NDUFS6: variants seen among roughly 807,000 people sequenced by gnomAD.
NDUFS6 encodes NADH dehydrogenase [ubiquinone] iron-sulfur protein 6, mitochondrial.
Under a neutral mutation model 13.2 loss-of-function variants are expected in NDUFS6, and 14 were observed. That is an observed-to-expected ratio of 1.06 (90% confidence interval 0.70 to 1.66). NDUFS6 has a LOEUF of 1.66. Among genes scored for constraint, NDUFS6 ranks in the 40% most tolerant of loss-of-function variants. The probability of loss-of-function intolerance (pLI) is 0.00; values close to 1 mark genes in which losing one functional copy is unlikely to be tolerated. For missense variants in NDUFS6, 206 were observed against 170.8 expected, an observed-to-expected ratio of 1.21 and a Z score of -1.15; for synonymous variants, 95 against 72.3, an observed-to-expected ratio of 1.31 and a Z score of -1.60.
At chr5:1,805,699 A>T (rs1371616153) in intron 2 of NDUFS6, among the ~76,000 whole-genome samples, 2 of 152,256 alleles carry the variant, frequency 1.3e-5, no homozygotes, top group African/African-American at 2.4e-5. Flanking sequence ...ATTGCTTTAT[A>T]GTCGTACAAG....
At chr5:1,803,435 A>G (rs1353345593) in intron 2 of NDUFS6, among the ~76,000 whole-genome samples, 3 of 152,116 alleles carry the variant, frequency 2.0e-5, no homozygotes, top group African/African-American at 4.8e-5. Flanking sequence ...TACCAGGATC[A>G]TGGTGGTGGA....
At chr5:1,801,680 C>T (rs1345587637) in intron 1 of NDUFS6, 131 bp downstream of exon 1, 20 of 1,361,114 alleles carry the variant, frequency 1.5e-5, no homozygotes, top group Non-Finnish European at 1.7e-5. Flanking sequence ...GTTGTGCTGT[C>T]GCTCACGCGC....
chr5:1,814,833 C>G lies in NDUFS6; in HGVS notation c.309+372C>G. 1 of 628,354 alleles carries G rather than the reference C, an allele frequency of 1.6e-6. No individual in the cohort carries two copies. The highest frequency in any genetic ancestry group is 2.9e-6 in the Non-Finnish European group (1 of 350,212). 38.9% of individuals were successfully genotyped at this position (628,354 alleles called of 1,614,324 possible). A position where few individuals can be genotyped will look rare whatever the true frequency, so the allele number is the denominator to read the frequency against. On this transcript the variant is annotated intron_variant, in intron 3 of 3. Coordinates refer to ENST00000274137, the MANE Select transcript of NDUFS6 (RefSeq NM_004553.6). The surrounding 1 kb of genome is among the most constrained non-coding windows in gnomAD (Gnocchi z 4.9). ...TCCCACAGCGCTGGAGGCTGCAGCC[C>G]AAGACCACCGTGCCGCTCTGTGGGT... is the stretch of plus-strand genomic sequence containing the variant.
chr5:1,806,227 G>A (rs1734119603), intron 2 of NDUFS6, among the ~76,000 whole-genome samples: 1 of 152,270 alleles, frequency 6.6e-6, no homozygotes, highest in African/African-American at 2.4e-5. Flanking sequence ...CTCCACCTGT[G>A]TGTGTCAGGA....
chr5:1,812,851 G>C (rs13170104), intron 2 of NDUFS6, among the ~76,000 whole-genome samples: 4 of 151,644 alleles, frequency 2.6e-5, no homozygotes, highest in African/African-American at 9.7e-5. Flanking sequence ...TCAGGAGTTC[G>C]AGACCAGCCT....
At chr5:1,806,593 G>A (rs940418236) in intron 2 of NDUFS6, among the ~76,000 whole-genome samples, 1 of 151,810 alleles carries the variant, frequency 6.6e-6, no homozygotes, top group Non-Finnish European at 1.5e-5. Flanking sequence ...TGTAGATTTC[G>A]TTAATGGAAA....
chr5:1,815,089 C>G (rs1734287660), intron 3 of NDUFS6, among the ~76,000 whole-genome samples: 2 of 152,216 alleles, frequency 1.3e-5, no homozygotes, highest in Non-Finnish European at 2.9e-5. Flanking sequence ...GGTTTATTTT[C>G]TAACAATCCC....
chr5:1,816,020 T>C lies in NDUFS6; in HGVS notation c.*104T>C. ...TCTGTGCGAAGGGTATTCCTGGTGC[T>C]GAATAAAGGGTGTTGCTGTCAAGGC... On this transcript the variant is annotated 3_prime_UTR_variant, in exon 4 of 4. Coordinates refer to ENST00000274137, the MANE Select transcript of NDUFS6 (RefSeq NM_004553.6). 2 of 1,251,292 alleles carry C rather than the reference T, an allele frequency of 1.6e-6. No individual in the cohort carries two copies. The highest frequency in any genetic ancestry group is 2.3e-5 in the East Asian group (1 of 43,216). 77.5% of individuals were successfully genotyped at this position (1,251,292 alleles called of 1,614,324 possible).
chr5:1,802,298 A>G (rs369387756), intron 1 of NDUFS6, 23 bp from the exon 2 acceptor site: 105 of 1,608,552 alleles, frequency 6.5e-5, no homozygotes, highest in Non-Finnish European at 8.8e-5. Flanking sequence ...AAAGTCACAC[A>G]TGGTCTTTTT....
intron 2 of NDUFS6, among the ~76,000 whole-genome samples, chr5:1,802,741 AGT>A (rs748371510): frequency 3.3e-5 from 5 of 152,200 alleles, no homozygotes; most frequent in Admixed American, 6.5e-5. Flanking sequence ...CAAATAAATT[AGT>A]GTGTGTTTTT....
At chr5:1,809,926 G>A (rs1561106030) in intron 2 of NDUFS6, among the ~76,000 whole-genome samples, 1 of 152,252 alleles carries the variant, frequency 6.6e-6, no homozygotes, top group Non-Finnish European at 1.5e-5. Flanking sequence ...CTTTAATGTG[G>A]CTTCATTTTC....
chr5:1,809,895 G>A (rs1370115072), intron 2 of NDUFS6, among the ~76,000 whole-genome samples: 3 of 152,232 alleles, frequency 2.0e-5, no homozygotes, highest in Non-Finnish European at 2.9e-5. Flanking sequence ...CCTGGGCGGC[G>A]CCACACGGCT....
rs577360067 is a variant in NDUFS6 at position 1,814,315 on chromosome 5, C to T, written c.187-24C>T. On this transcript the variant is annotated intron_variant, in intron 2 of 3. Coordinates refer to ENST00000274137, the MANE Select transcript of NDUFS6 (RefSeq NM_004553.6). The surrounding 1 kb of genome is among the most constrained non-coding windows in gnomAD (Gnocchi z 4.9). ...GTTAGCAAGTTTGTGTATTTGTTTA[C>T]GTAAGTCTTTCTTCTTGTTCCAGGT... is the stretch of plus-strand genomic sequence containing the variant. 2.3e-5 allele frequency: 37 copies of T among 1,614,100 alleles called. No homozygotes were observed. The Admixed American group carries it at 2.3e-4, about 10-fold the overall frequency.
In NDUFS6 at chr5:1,814,610, A is replaced by G. The variant is rs1457177968; in HGVS notation, c.309+149A>G. 2 of 1,176,452 alleles carry G rather than the reference A, an allele frequency of 1.7e-6. No homozygotes were observed. Among genetic ancestry groups the G allele is most frequent in the Admixed American group, 2.0e-5 (1 of 50,620 alleles). The allele number at this position is 1,176,452 out of a possible 1,614,324, so 72.9% of individuals were successfully genotyped here. ...TTCACACTGCTGGCACATTCACCCT[A>G]CAGCGCCACACTACAGGGCCTACAT... On this transcript the variant is annotated intron_variant, in intron 3 of 3. Transcript: ENST00000274137. The surrounding 1 kb of genome is among the most constrained non-coding windows in gnomAD (Gnocchi z 4.9).
At chr5:1,815,827 A>G (rs1734299402) in intron 3 of NDUFS6, 24 bp from the exon 4 acceptor site, 19 of 1,611,434 alleles carry the variant, frequency 1.2e-5, no homozygotes, top group Non-Finnish European at 1.5e-5. Context: ...GAAATATGAC[A>G]TCATTCCTTT....
rs1003375941 is a variant in NDUFS6, at chr5:1,803,998, C to G, written c.186+1624C>G. 3.3e-5 allele frequency among the ~76,000 whole-genome samples: 5 copies of G among 152,118 alleles called. No individual in the cohort carries two copies. The East Asian group carries it at 9.6e-4, about 29-fold the overall frequency. ...GGTGACCGTGGAGAAGGGGAGAAACCGATGGATGTGGGGAGGGTTCGCAGG... is the reference window on the plus strand; with the variant it reads ...GGTGACCGTGGAGAAGGGGAGAAACGGATGGATGTGGGGAGGGTTCGCAGG... On this transcript the variant is annotated intron_variant, in intron 2 of 3. Coordinates refer to ENST00000274137, the MANE Select transcript of NDUFS6 (RefSeq NM_004553.6).
At chr5:1,801,772 A>G (rs1734047383) in intron 1 of NDUFS6, among the ~76,000 whole-genome samples, 1 of 152,208 alleles carries the variant, frequency 6.6e-6, no homozygotes, top group African/African-American at 2.4e-5. Flanking sequence ...CGGGCTCTGG[A>G]ACGGGAAGTC....
At chr5:1,812,948 G>T (rs1003352137) in intron 2 of NDUFS6, among the ~76,000 whole-genome samples, 9 of 152,196 alleles carry the variant, frequency 5.9e-5, no homozygotes, top group Non-Finnish European at 1.0e-4. Context: ...AGCTACTCGG[G>T]AGGCTGAGGC....
chr5:1,808,252 C>G (rs756308695), intron 2 of NDUFS6, among the ~76,000 whole-genome samples: 1 of 152,146 alleles, frequency 6.6e-6, no homozygotes. Flanking sequence ...GCGGGCGGTG[C>G]GATGTGCGCC....
Sources: gnomAD v4.1 joint callset for allele counts (sites outside exome capture counted in the v4.1 genomes callset) on GRCh38, gnomAD v4.1.1 for gene constraint, Gnocchi (gnomAD v3.1) non-coding constraint, MANE v1.5 for transcripts, NCBI Gene and HGNC (gene_info 2026-07-23, HGNC 2026-07-21) for gene names.